The following LRMDA variants were observed in gnomAD, a reference collection of about 807,000 sequenced individuals.
LRMDA encodes the protein leucine rich melanocyte differentiation associated.
Under a neutral mutation model 29.8 loss-of-function variants are expected in LRMDA, and 18 were observed. That is an observed-to-expected ratio of 0.60 (90% CI 0.42 to 0.90). The LOEUF is 0.90. Among genes scored for constraint, LRMDA ranks in the 40% least tolerant of loss-of-function variants. The pLI is 0.00. For missense variants in LRMDA, 273 were observed against 273.9 expected, an observed-to-expected ratio of 1.00 and a Z score of 0.02; for synonymous variants, 125 against 109.4, an observed-to-expected ratio of 1.14 and a Z score of -0.89.
At chr10:76,115,421 G>A (rs1449555843) in intron 5 of LRMDA, among the ~76,000 whole-genome samples, 3 of 152,184 alleles carry the variant, frequency 2.0e-5, no homozygotes, top group Non-Finnish European at 4.4e-5. Context: ...CAGAGTCGTC[G>A]TCCTCCTCCT....
intron 2 of LRMDA, among the ~76,000 whole-genome samples, chr10:75,525,796 CA>C (rs1236726345): frequency 6.6e-6 from 1 of 151,378 alleles, no homozygotes; most frequent in East Asian, 1.9e-4. Flanking sequence ...TATTTCTTAC[CA>C]AACTCTGATT....
intron 2 of LRMDA, among the ~76,000 whole-genome samples, chr10:75,648,385 T>C (rs1564530485): frequency 6.6e-6 from 1 of 152,208 alleles, no homozygotes; most frequent in Non-Finnish European, 1.5e-5. Flanking sequence ...AATTATCTGC[T>C]TGAGAATCAA....
rs1295626622 is a variant in LRMDA, at chr10:75,859,858, T to C, written c.132-176150T>C. Among the ~76,000 whole-genome samples the C allele has an allele frequency of 4.6e-5, 7 of 152,348 alleles. No individual in the cohort carries two copies. The East Asian group carries it at 1.3e-3, about 29-fold the overall frequency. On this transcript the variant is annotated intron_variant, in intron 2 of 6. Coordinates refer to ENST00000611255, the MANE Select transcript of LRMDA (RefSeq NM_001305581.2). ...TCCTGTATTTCTTCTAAAACTTTGA[T>C]TATTCTAATTTTACCTTTTAGGCCT...
At chr10:76,555,607 A>T (rs1193452100) in intron 6 of LRMDA, among the ~76,000 whole-genome samples, 1 of 152,204 alleles carries the variant, frequency 6.6e-6, no homozygotes, top group Non-Finnish European at 1.5e-5. Flanking sequence ...CTCTGTCCTT[A>T]AAAGTTTCTA....
chr10:76,395,582 A>G (rs1347662978), intron 6 of LRMDA, among the ~76,000 whole-genome samples: 3 of 152,234 alleles, frequency 2.0e-5, no homozygotes, highest in Admixed American at 6.5e-5. Context: ...TCCACACCAC[A>G]TGAATTAGAG....
At chr10:75,859,981 A>G (rs990204736) in intron 2 of LRMDA, among the ~76,000 whole-genome samples, 10 of 152,052 alleles carry the variant, frequency 6.6e-5, no homozygotes, top group Admixed American at 6.6e-4. Flanking sequence ...TCGACCCAAC[A>G]CCATTTGTTT....
At chr10:75,896,841 T>TTGTG (rs35428137) in intron 2 of LRMDA, among the ~76,000 whole-genome samples, 55,666 of 147,332 alleles carry the variant, frequency 0.38, 11,037 homozygotes, top group Non-Finnish European at 0.46. Flanking sequence ...GAGTGTGCAT[T>TTGTG]TGTGTGTGTG....
At chr10:76,458,350 G>A (rs1842479306) in intron 6 of LRMDA, among the ~76,000 whole-genome samples, 1 of 152,130 alleles carries the variant, frequency 6.6e-6, no homozygotes, top group South Asian at 2.1e-4. Context: ...AATCCTGGAA[G>A]AATGTGCTGT....
chr10:75,970,860 A>G (rs1846954750), intron 2 of LRMDA, among the ~76,000 whole-genome samples: 1 of 152,234 alleles, frequency 6.6e-6, no homozygotes, highest in Non-Finnish European at 1.5e-5. Context: ...CTAAAGAAGT[A>G]GTGGTACCTT....
chr10:75,674,515 G>T (rs1348550527), intron 2 of LRMDA, among the ~76,000 whole-genome samples: 1 of 151,374 alleles, frequency 6.6e-6, no homozygotes, highest in African/African-American at 2.4e-5. Context: ...GAATATTATC[G>T]CTCTCTAACT....
At chr10:75,518,667 A>AT (rs925761414) in intron 2 of LRMDA, among the ~76,000 whole-genome samples, 6 of 152,042 alleles carry the variant, frequency 3.9e-5, no homozygotes, top group Non-Finnish European at 8.8e-5. Flanking sequence ...AGATTTATTG[A>AT]TTTTTTTGTA....
At chr10:75,819,104 T>C (rs989295077) in intron 2 of LRMDA, among the ~76,000 whole-genome samples, 1 of 152,196 alleles carries the variant, frequency 6.6e-6, no homozygotes, top group Non-Finnish European at 1.5e-5. Context: ...AGAAAGTAAA[T>C]GTCTTGATGG....
chr10:75,819,654 T>G (rs1396978681), intron 2 of LRMDA, among the ~76,000 whole-genome samples: 1 of 152,150 alleles, frequency 6.6e-6, no homozygotes, highest in African/African-American at 2.4e-5. Flanking sequence ...GGTTGGCAGT[T>G]GTGGTTCTGG....
chr10:76,114,010 T>G (rs1351264071), intron 5 of LRMDA, among the ~76,000 whole-genome samples: 1 of 152,220 alleles, frequency 6.6e-6, no homozygotes, highest in Non-Finnish European at 1.5e-5. Flanking sequence ...GTGGTTTTTT[T>G]CGGCCTGTCA....
At chr10:76,334,789 CA>C (rs1314302509) in intron 6 of LRMDA, among the ~76,000 whole-genome samples, 2 of 152,078 alleles carry the variant, frequency 1.3e-5, no homozygotes, top group African/African-American at 4.8e-5. Flanking sequence ...GCTGTTTCTT[CA>C]ATCAGTCACT....
intron 4 of LRMDA, among the ~76,000 whole-genome samples, chr10:76,051,717 C>T (rs1296858566): frequency 2.0e-5 from 3 of 152,160 alleles, no homozygotes; most frequent in Admixed American, 2.0e-4. Context: ...TTTGGCCCAT[C>T]CCCTTCACAG....
At chr10:75,769,424 A>T (rs1843209391) in intron 2 of LRMDA, among the ~76,000 whole-genome samples, 1 of 152,346 alleles carries the variant, frequency 6.6e-6, no homozygotes, top group South Asian at 2.1e-4. Context: ...GCTCCTATTC[A>T]AACCACTTTT....
At chr10:76,277,331 T>G (rs556358636) in intron 5 of LRMDA, among the ~76,000 whole-genome samples, 2 of 152,260 alleles carry the variant, frequency 1.3e-5, no homozygotes, top group African/African-American at 4.8e-5. Context: ...GTTTTACTTT[T>G]CCCCATCCTC....
At chr10:75,950,034 G>A (rs1463490718) in intron 2 of LRMDA, among the ~76,000 whole-genome samples, 2 of 152,210 alleles carry the variant, frequency 1.3e-5, no homozygotes, top group Non-Finnish European at 2.9e-5. Context: ...GTTCCCCAAA[G>A]CAGAAAATCT....
Sources: allele counts gnomAD v4.1 joint callset (sites outside exome capture counted in the v4.1 genomes callset), GRCh38; gene constraint gnomAD v4.1.1; transcripts MANE v1.5; gene names NCBI Gene and HGNC (gene_info 2026-07-23, HGNC 2026-07-21).